The following NELL2 variants were observed in gnomAD, a reference collection of about 807,000 sequenced individuals.
The protein encoded by NELL2 is protein kinase C-binding protein NELL2.
A neutral mutation model predicts 109.6 loss-of-function variants in NELL2; 41 were observed. That is an observed-to-expected ratio of 0.37 (90% CI 0.29 to 0.49). The LOEUF (loss-of-function observed/expected upper bound fraction) is 0.49. Ranked by LOEUF, NELL2 falls within the 20% of genes least tolerant of loss-of-function variation. NELL2 has a pLI of 0.98. For missense variants in NELL2, 900 were observed against 1,008.3 expected, an observed-to-expected ratio of 0.89 and a Z score of 1.45; for synonymous variants, 355 against 344.7, an observed-to-expected ratio of 1.03 and a Z score of -0.33.
intron 13 of NELL2, among the ~76,000 whole-genome samples, chr12:44,631,809 C>A (rs781067006): frequency 5.3e-5 from 8 of 152,040 alleles, no homozygotes; most frequent in Non-Finnish European, 1.0e-4. Context: ...AGATGAGAGA[C>A]CATTTCTCAA....
chr12:44,513,854 T>G (rs1941122572), intron 19 of NELL2, among the ~76,000 whole-genome samples: 1 of 150,428 alleles, frequency 6.6e-6, no homozygotes, highest in African/African-American at 2.4e-5. Flanking sequence ...GCAGACAAAA[T>G]ATGTGAAAAA....
At chr12:44,714,804 A>C (rs984686851) in intron 9 of NELL2, 63 bp from the exon 10 acceptor site, 2 of 1,052,320 alleles carry the variant, frequency 1.9e-6, no homozygotes, top group Non-Finnish European at 2.8e-6. Context: ...AAGGGATCAG[A>C]TCATCTTGTA....
At chr12:44,681,725 T>C (rs1052879575) in intron 12 of NELL2, among the ~76,000 whole-genome samples, 102 of 152,306 alleles carry the variant, frequency 6.7e-4, no homozygotes, top group Admixed American at 1.8e-3. Flanking sequence ...ATTTCATCCA[T>C]GTCCCTACAA....
intron 1 of NELL2, among the ~76,000 whole-genome samples, chr12:44,901,197 A>T (rs1343931775): frequency 6.6e-6 from 1 of 152,168 alleles, no homozygotes; most frequent in Non-Finnish European, 1.5e-5. Context: ...AATAGACACA[A>T]TAAAAAATGA....
intron 3 of NELL2, among the ~76,000 whole-genome samples, chr12:44,799,282 C>T (rs1942746742): frequency 6.6e-6 from 1 of 151,870 alleles, no homozygotes; most frequent in Non-Finnish European, 1.5e-5. Flanking sequence ...TATTTATCAC[C>T]TATGCGTATG....
At chr12:44,645,176 T>G (rs1947048935) in intron 13 of NELL2, among the ~76,000 whole-genome samples, 1 of 152,066 alleles carries the variant, frequency 6.6e-6, no homozygotes, top group African/African-American at 2.4e-5. Context: ...TCAAGTGGAA[T>G]GAGACAAGTT....
intron 3 of NELL2, among the ~76,000 whole-genome samples, chr12:44,815,563 A>C (rs1943315745): frequency 6.6e-6 from 1 of 152,196 alleles, no homozygotes; most frequent in Non-Finnish European, 1.5e-5. Flanking sequence ...AATTACTTTC[A>C]ATTACCTGTG....
chr12:44,907,047 G>A (rs1011942803), intron 1 of NELL2, among the ~76,000 whole-genome samples: 1 of 151,986 alleles, frequency 6.6e-6, no homozygotes. Context: ...GTTCTTATGA[G>A]AGCTAATGGT....
intron 2 of NELL2, among the ~76,000 whole-genome samples, chr12:44,843,021 T>C (rs1566514078): frequency 6.6e-6 from 1 of 152,160 alleles, no homozygotes; most frequent in South Asian, 2.1e-4. Context: ...ATTTCTGTTG[T>C]TTTACGCTAC....
chr12:44,736,681 C>G (rs1354198974), intron 9 of NELL2, among the ~76,000 whole-genome samples: 1 of 152,076 alleles, frequency 6.6e-6, no homozygotes, highest in African/African-American at 2.4e-5. Context: ...ATCAATTCAA[C>G]TAGTTGTAAC....
intron 1 of NELL2, among the ~76,000 whole-genome samples, chr12:44,891,741 G>A (rs1485226195): frequency 2.0e-5 from 3 of 152,086 alleles, no homozygotes; most frequent in Admixed American, 6.5e-5. Context: ...ATATGATTAA[G>A]GGCCAAGCAT....
At chr12:44,608,024 A>G (rs892761370) in intron 14 of NELL2, among the ~76,000 whole-genome samples, 2 of 152,116 alleles carry the variant, frequency 1.3e-5, no homozygotes, top group African/African-American at 4.8e-5. Flanking sequence ...AGGAGAGAAG[A>G]GCAAGACAAG....
chr12:44,903,598 T>C (rs1331954380), intron 1 of NELL2, among the ~76,000 whole-genome samples: 9 of 152,166 alleles, frequency 5.9e-5, no homozygotes, highest in African/African-American at 1.2e-4. Flanking sequence ...CGTATGTTTA[T>C]TGCAGCACTA....
At position 44,618,985 on chromosome 12, in the gene NELL2, A is replaced by C. The variant is rs1480351972; in HGVS notation, c.1445-8015T>G. Among the ~76,000 whole-genome samples, 3 of 152,178 alleles carry C rather than the reference A, an allele frequency of 2.0e-5. No individual in the cohort carries two copies. In the East Asian group the frequency reaches 5.8e-4, roughly 29 times the overall value. ...GTGCTTTGTCCAAAGTCACATAGCT[A>C]GAAAGTAACAAGGCCAGACCTTCAG... is the stretch of plus-strand genomic sequence containing the variant. On this transcript the variant is annotated intron_variant, in intron 13 of 19. Transcript: ENST00000429094.
At chr12:44,540,938 T>C (rs1157428848) in intron 15 of NELL2, among the ~76,000 whole-genome samples, 1 of 151,720 alleles carries the variant, frequency 6.6e-6, no homozygotes, top group Non-Finnish European at 1.5e-5. Context: ...TCAGAAAAAC[T>C]GAACCTGAAA....
chr12:44,747,499 T>G (rs1357014312), intron 9 of NELL2, among the ~76,000 whole-genome samples: 2 of 152,014 alleles, frequency 1.3e-5, no homozygotes, highest in Non-Finnish European at 2.9e-5. Flanking sequence ...ACATATAGCA[T>G]ACAAAATATG....
chr12:44,577,652 A>AT (rs1328760393), intron 15 of NELL2, among the ~76,000 whole-genome samples: 3 of 150,676 alleles, frequency 2.0e-5, no homozygotes, highest in Non-Finnish European at 1.5e-5. Context: ...AATTTTTTGT[A>AT]TTTTTTTAGT....
chr12:44,510,695 C>T (rs933396285), intron 19 of NELL2, among the ~76,000 whole-genome samples: 2 of 152,290 alleles, frequency 1.3e-5, no homozygotes, highest in Admixed American at 6.5e-5. Flanking sequence ...TCTTAGACCC[C>T]TAGTGGCATT....
At chr12:44,533,301 C>T (rs765426044) in intron 15 of NELL2, among the ~76,000 whole-genome samples, 49 of 152,140 alleles carry the variant, frequency 3.2e-4, no homozygotes, top group Admixed American at 2.6e-4. Flanking sequence ...CCTTAGTTGA[C>T]ACTCTAATAT....
Sources: allele counts gnomAD v4.1 joint callset (sites outside exome capture counted in the v4.1 genomes callset), GRCh38; gene constraint gnomAD v4.1.1; transcripts MANE v1.5; gene names NCBI Gene and HGNC (gene_info 2026-07-23, HGNC 2026-07-21).